The following TRHDE variants were observed in gnomAD, a reference collection of about 807,000 sequenced individuals.
The protein encoded by TRHDE is thyrotropin releasing hormone degrading enzyme.
Under a neutral mutation model 125.7 loss-of-function variants are expected in TRHDE, and 72 were observed. The ratio of observed to expected loss-of-function variants is 0.57; its 90% CI spans 0.47 to 0.70. The LOEUF is 0.70. Ranked by LOEUF, TRHDE falls within the 30% of genes least tolerant of loss-of-function variation. The pLI, the probability that TRHDE is intolerant of heterozygous loss-of-function variation, is 0.00. For missense variants in TRHDE, 1,110 were observed against 1,327.1 expected, an observed-to-expected ratio of 0.84 and a Z score of 2.54; for synonymous variants, 509 against 509.1, an observed-to-expected ratio of 1.00 and a Z score of 0.00.
At position 72,242,815 on chromosome 12, in the gene TRHDE, G is replaced by A. The variant is rs987288774; in HGVS notation, n.280-135180G>A. 7.2e-5 allele frequency among the ~76,000 whole-genome samples: 11 copies of A among 152,122 alleles called. No individual in the cohort carries two copies. In the East Asian group the frequency reaches 1.5e-3, roughly 21 times the overall value. On this transcript the variant is annotated intron_variant and non_coding_transcript_variant, in intron 2 of 4. Coordinates refer to the TRHDE transcript ENST00000548156. ...GTGTTTTGTCCTGGTTTTTATTACC[G>A]CATTCAATGGGAGAGACAGGTTGGA...
intron 12 of TRHDE, among the ~76,000 whole-genome samples, chr12:72,607,917 C>A (rs1034381542): frequency 5.3e-5 from 8 of 151,972 alleles, no homozygotes; most frequent in African/African-American, 1.9e-4. Context: ...TCTATTTTTC[C>A]TTCAAAAATG....
chr12:72,173,294 A>G (rs911834328), intron 2 of TRHDE, among the ~76,000 whole-genome samples: 1 of 152,206 alleles, frequency 6.6e-6, no homozygotes, highest in Non-Finnish European at 1.5e-5. Flanking sequence ...AGTGACACAA[A>G]GCTAGGAGAG....
intron 12 of TRHDE, among the ~76,000 whole-genome samples, chr12:72,597,468 G>GACCAGCCTGGCCAAA (rs1409268288): frequency 1.3e-5 from 2 of 151,694 alleles, no homozygotes; most frequent in African/African-American, 2.4e-5. Flanking sequence ...AGGAGTTCGA[G>GACCAGCCTGGCCAAA]ACCAGCCTGG....
At chr12:72,285,869 A>G (rs1347315312) in intron 1 of TRHDE, among the ~76,000 whole-genome samples, 1 of 152,088 alleles carries the variant, frequency 6.6e-6, no homozygotes, top group Admixed American at 6.6e-5. Context: ...GTAACCATAA[A>G]CCATGAAAGA....
intron 12 of TRHDE, among the ~76,000 whole-genome samples, chr12:72,588,530 T>C (rs917101229): frequency 6.6e-6 from 1 of 152,148 alleles, no homozygotes; most frequent in African/African-American, 2.4e-5. Flanking sequence ...AATTTGCAGT[T>C]TTTTTCAGAG....
chr12:72,374,292 A>AGGGTGT (rs375776329), intron 2 of TRHDE, among the ~76,000 whole-genome samples: 7 of 134,018 alleles, frequency 5.2e-5, no homozygotes, highest in African/African-American at 2.0e-4. Flanking sequence ...TAGAAGGAGA[A>AGGGTGT]GTGTGTGTGT....
At chr12:72,506,659 C>A (rs1056385285) in intron 6 of TRHDE, among the ~76,000 whole-genome samples, 1 of 152,102 alleles carries the variant, frequency 6.6e-6, no homozygotes, top group South Asian at 2.1e-4. Flanking sequence ...CTCTTATCTA[C>A]AAAGTCTTTC....
intron 2 of TRHDE, among the ~76,000 whole-genome samples, chr12:72,250,668 G>T (rs1878661386): frequency 6.6e-6 from 1 of 151,780 alleles, no homozygotes. Flanking sequence ...GCTATCAGAG[G>T]CTTCTCAGTC....
rs150319049 is a variant in TRHDE, at chr12:72,601,212, A to C, written c.2322-17679A>C. Reference sequence around the variant, plus strand: ...ATGACTTTGATAGGTTTAAAACTTCAGTGGAAAAAGTCACTACATATGTGG... The same window carrying C: ...ATGACTTTGATAGGTTTAAAACTTCCGTGGAAAAAGTCACTACATATGTGG... On this transcript the variant is annotated intron_variant, in intron 12 of 18. Transcript: ENST00000261180. Among the ~76,000 whole-genome samples the C allele has an allele frequency of 2.0e-3, 308 of 152,200 alleles. 2 individuals carry two copies. The highest frequency in any genetic ancestry group is 6.9e-3 in the African/African-American group (287 of 41,564).
rs371418623 is a variant in TRHDE, at chr12:72,196,347, A to G, written n.279+90595A>G. ...CATTTTAACAATATTGAATCTTCCA[A>G]TCCATGAGCATAGAATGTTTTTTCA... On this transcript the variant is annotated intron_variant and non_coding_transcript_variant, in intron 2 of 4. Transcript: ENST00000548156. Among the ~76,000 whole-genome samples the G allele has an allele frequency of 1.5e-4, 23 of 152,238 alleles. No homozygotes were observed. In the East Asian group the frequency reaches 3.9e-3, roughly 26 times the overall value.
intron 2 of TRHDE, among the ~76,000 whole-genome samples, chr12:72,311,214 C>CT (rs1868527988): frequency 6.6e-6 from 1 of 150,816 alleles, no homozygotes; most frequent in African/African-American, 2.4e-5. Context: ...TTTTTTTTTT[C>CT]TTTTCCCACT....
chr12:72,480,652 A>C (rs1877126002), intron 5 of TRHDE, among the ~76,000 whole-genome samples: 1 of 152,166 alleles, frequency 6.6e-6, no homozygotes, highest in East Asian at 1.9e-4. Context: ...CTTTCTAAGA[A>C]GAAAACACTT....
chr12:72,320,992 G>A (rs530200337), intron 2 of TRHDE, among the ~76,000 whole-genome samples: 9 of 152,236 alleles, frequency 5.9e-5, no homozygotes, highest in South Asian at 4.1e-4. Flanking sequence ...GCTTTGATTC[G>A]AAGTGAAGGA....
chr12:72,500,908 T>A (rs1366169024), intron 6 of TRHDE, among the ~76,000 whole-genome samples: 2 of 145,238 alleles, frequency 1.4e-5, no homozygotes, highest in African/African-American at 2.5e-5. Context: ...AGTTTAAGAA[T>A]GAGTTTGTAA....
At chr12:72,157,228 G>A (rs976089695) in intron 2 of TRHDE, among the ~76,000 whole-genome samples, 11 of 151,842 alleles carry the variant, frequency 7.2e-5, no homozygotes, top group African/African-American at 2.4e-4. Context: ...AGTATAGAAT[G>A]TGAAGACAGT....
chr12:72,311,993 G>T (rs1868565822), intron 2 of TRHDE, among the ~76,000 whole-genome samples: 1 of 152,170 alleles, frequency 6.6e-6, no homozygotes, highest in Non-Finnish European at 1.5e-5. Flanking sequence ...GTAGAGAGAA[G>T]TGGAAGCAAA....
At chr12:72,339,555 C>A (rs889368606) in intron 2 of TRHDE, among the ~76,000 whole-genome samples, 7 of 152,072 alleles carry the variant, frequency 4.6e-5, no homozygotes, top group Non-Finnish European at 8.8e-5. Flanking sequence ...CTTTATCTAG[C>A]AGGATTTTGC....
chr12:72,261,457 A>G (rs1485755261), intron 2 of TRHDE, among the ~76,000 whole-genome samples: 2 of 152,178 alleles, frequency 1.3e-5, no homozygotes, highest in African/African-American at 4.8e-5. Flanking sequence ...GAAATGATAG[A>G]TTACTCTTAG....
At position 72,669,414 on chromosome 12, in the gene TRHDE, A is replaced by C. The variant is rs1404506201; in HGVS notation, c.*6219A>C. 1 of 151,828 alleles carries C rather than the reference A, an allele frequency of 6.6e-6. No homozygotes were observed. Among genetic ancestry groups the C allele is most frequent in the East Asian group, 1.9e-4 (1 of 5,162 alleles). 9.4% of individuals were successfully genotyped at this position (151,828 alleles called of 1,614,324 possible). On this transcript the variant is annotated 3_prime_UTR_variant, in exon 19 of 19. Coordinates refer to ENST00000261180, the MANE Select transcript of TRHDE (RefSeq NM_013381.3). The stretch of plus-strand genomic sequence containing the variant: ...CTTTGACTTGCCTCTGCAGAGGTCA[A>C]CTTATTTCTCATCACACACATTTTT...
Sources: allele counts gnomAD v4.1 joint callset (sites outside exome capture counted in the v4.1 genomes callset), GRCh38; gene constraint gnomAD v4.1.1; transcripts MANE v1.5; gene names NCBI Gene and HGNC (gene_info 2026-07-23, HGNC 2026-07-21).